The following INO80C variants were observed in gnomAD, a reference collection of about 807,000 sequenced individuals.
INO80C encodes the protein INO80 complex subunit C, also known as IES6 homolog.
Under a neutral mutation model 17.7 loss-of-function variants are expected in INO80C, and 17 were observed. That is an observed-to-expected ratio of 0.96 (90% CI 0.66 to 1.44). The LOEUF is 1.44. INO80C is among the 40% of genes most tolerant of loss of function. The pLI is 0.00. For missense variants in INO80C, 244 were observed against 245.0 expected (o/e 1.00, Z 0.03); for synonymous variants, 96 against 95.8 (o/e 1.00, Z -0.01).
chr18:35,497,719 C>T lies in INO80C; in HGVS notation c.156G>A (p.Gln52=). 3 of 1,611,400 alleles carry T rather than the reference C, an allele frequency of 1.9e-6. No homozygotes were observed. The highest frequency in any genetic ancestry group is 2.5e-6 in the Non-Finnish European group (3 of 1,179,128). The change falls in exon 1 of 5, where the codon CAG becomes CAA. Residue 52 remains glutamine, a splice_region_variant and synonymous_variant. Coordinates refer to ENST00000334598, the MANE Select transcript of INO80C (RefSeq NM_194281.4). ...GCAGCCTGGGAGCGCGACTGCGTAC[C>T]TGCGCAAAGCTGGAAGCGGACGCTT... is the stretch of plus-strand genomic sequence containing the variant. The part of the protein sequence containing the change: ...KKKASASSFA[Q]GISMEAMSEN...
At chr18:35,482,921 T>C (rs1000507686) in intron 1 of INO80C, among the ~76,000 whole-genome samples, 1 of 152,230 alleles carries the variant, frequency 6.6e-6, no homozygotes, top group Non-Finnish European at 1.5e-5. Context: ...AGCATGATGA[T>C]GCTCCGCTAC....
chr18:35,477,366 A>C (rs1045662542), intron 4 of INO80C, among the ~76,000 whole-genome samples: 3 of 152,264 alleles, frequency 2.0e-5, no homozygotes, highest in African/African-American at 7.2e-5. Flanking sequence ...AGGGACAAAC[A>C]GGGATATTAC....
intron 1 of INO80C, chr18:35,497,286 G>A (rs1011271937): frequency 4.5e-5 from 44 of 967,162 alleles, no homozygotes; most frequent in Middle Eastern, 5.3e-4. Flanking sequence ...CAGGATGAGA[G>A]AAAGCATACT....
At chr18:35,471,328 T>C (rs923238188) in intron 4 of INO80C, among the ~76,000 whole-genome samples, 5 of 152,254 alleles carry the variant, frequency 3.3e-5, no homozygotes, top group African/African-American at 1.2e-4. Flanking sequence ...TTTTTATGTC[T>C]ACCCCTATAC....
intron 4 of INO80C, among the ~76,000 whole-genome samples, chr18:35,469,641 C>T (rs752794094): frequency 6.6e-6 from 1 of 152,186 alleles, no homozygotes; most frequent in Admixed American, 6.5e-5. Flanking sequence ...CCTCACCCTC[C>T]ACTTTCACAG....
chr18:35,485,081 G>C (rs1161790147), intron 1 of INO80C, among the ~76,000 whole-genome samples: 2 of 152,002 alleles, frequency 1.3e-5, no homozygotes, highest in African/African-American at 4.8e-5. Flanking sequence ...CAGTCATCCA[G>C]GATTAGGGCC....
intron 1 of INO80C, among the ~76,000 whole-genome samples, chr18:35,488,758 C>T (rs1208118515): frequency 1.3e-5 from 2 of 152,194 alleles, no homozygotes; most frequent in Non-Finnish European, 2.9e-5. Context: ...GGTTTTTATT[C>T]TCTATCACAT....
intron 1 of INO80C, chr18:35,483,314 C>T (rs549170728): frequency 1.3e-5 from 2 of 152,006 alleles, no homozygotes; most frequent in African/African-American, 2.4e-5. Context: ...TCATCAGTAA[C>T]GAACATTACC....
chr18:35,497,086 T>C (rs1006726779), intron 1 of INO80C, among the ~76,000 whole-genome samples: 1 of 152,144 alleles, frequency 6.6e-6, no homozygotes, highest in Non-Finnish European at 1.5e-5. Context: ...AAAACACTAA[T>C]CAAGCCACTC....
intron 1 of INO80C, among the ~76,000 whole-genome samples, chr18:35,481,783 C>T (rs1200306060): frequency 6.6e-6 from 1 of 152,182 alleles, no homozygotes; most frequent in Non-Finnish European, 1.5e-5. Context: ...ACTCGGGAGG[C>T]TGAGGCAGGA....
At chr18:35,476,084 T>C (rs893332057) in intron 4 of INO80C, among the ~76,000 whole-genome samples, 1 of 152,206 alleles carries the variant, frequency 6.6e-6, no homozygotes, top group Non-Finnish European at 1.5e-5. Flanking sequence ...AAAATGTATA[T>C]TGTAAACATG....
chr18:35,488,165 G>C (rs550302687), intron 1 of INO80C, among the ~76,000 whole-genome samples: 2 of 152,272 alleles, frequency 1.3e-5, no homozygotes, highest in African/African-American at 2.4e-5. Context: ...GCAAGCTGTT[G>C]GTGGATCTAC....
intron 1 of INO80C, among the ~76,000 whole-genome samples, chr18:35,480,993 T>G (rs143042644): frequency 6.2e-4 from 95 of 152,344 alleles, no homozygotes; most frequent in African/African-American, 2.2e-3. Context: ...AAAGCCCTCA[T>G]AATCTCCATG....
chr18:35,474,030 A>T (rs2144031836), intron 4 of INO80C, among the ~76,000 whole-genome samples: 1 of 151,800 alleles, frequency 6.6e-6, no homozygotes, highest in African/African-American at 2.4e-5. Flanking sequence ...AGATGCAAAG[A>T]AACAGGAAAA....
intron 4 of INO80C, among the ~76,000 whole-genome samples, chr18:35,473,373 C>G (rs2045693744): frequency 6.6e-6 from 1 of 152,212 alleles, no homozygotes; most frequent in Non-Finnish European, 1.5e-5. Flanking sequence ...ATCATCCAAA[C>G]TCTCTCTGCC....
chr18:35,472,799 G>A (rs2045686129), intron 4 of INO80C, among the ~76,000 whole-genome samples: 1 of 152,194 alleles, frequency 6.6e-6, no homozygotes. Context: ...CCTGTTTGAT[G>A]AGTCTTTCTC....
intron 4 of INO80C, among the ~76,000 whole-genome samples, chr18:35,476,960 T>C (rs1014125532): frequency 1.3e-5 from 2 of 152,174 alleles, no homozygotes; most frequent in South Asian, 2.1e-4. Context: ...AGTGAAAAGA[T>C]AGGCCAGGTA....
At chr18:35,479,442 A>G in intron 2 of INO80C, 31 bp from the exon 3 acceptor site, 1 of 1,384,348 alleles carries the variant, frequency 7.2e-7, no homozygotes, top group South Asian at 1.2e-5. Context: ...TAGAAGAAAC[A>G]AAAACCAATG....
chr18:35,493,288 T>C (rs542645802), intron 1 of INO80C, among the ~76,000 whole-genome samples: 50 of 152,248 alleles, frequency 3.3e-4, no homozygotes, highest in Non-Finnish European at 5.0e-4. Flanking sequence ...TTAACAGTTA[T>C]CTGTTCCCCA....
Sources: allele counts gnomAD v4.1 joint callset (sites outside exome capture counted in the v4.1 genomes callset), GRCh38; gene constraint gnomAD v4.1.1; transcripts MANE v1.5; gene names NCBI Gene and HGNC (gene_info 2026-07-23, HGNC 2026-07-21).